The following PIBF1 variants were observed in gnomAD, a reference collection of about 807,000 sequenced individuals.
PIBF1 encodes the protein progesterone immunomodulatory binding factor 1.
In PIBF1, 90 loss-of-function variants were observed where a neutral mutation model predicts 112.5. The ratio of observed to expected loss-of-function variants is 0.80; its 90% CI spans 0.67 to 0.95. The LOEUF (loss-of-function observed/expected upper bound fraction) is 0.95, where lower values mean the gene tolerates loss of function less well. Ranked by LOEUF, PIBF1 falls within the 40% of genes least tolerant of loss-of-function variation. The pLI is 0.00. For synonymous variants in PIBF1, 301 were observed against 288.6 expected (o/e 1.04, Z -0.44); for missense variants, 915 against 852.3 (o/e 1.07, Z -0.92).
At chr13:72,999,109 T>G in intron 17 of PIBF1, 114 bp downstream of exon 17, 1 of 654,450 alleles carries the variant, frequency 1.5e-6, no homozygotes, top group Non-Finnish European at 2.6e-6. Context: ...CAAATATGTT[T>G]CATGAAAAGA....
At chr13:72,950,331 C>G (rs2042263259) in intron 14 of PIBF1, among the ~76,000 whole-genome samples, 1 of 152,138 alleles carries the variant, frequency 6.6e-6, no homozygotes. Flanking sequence ...AAAGGTACCC[C>G]TCCAATTCAA....
At position 72,924,350 on chromosome 13, in the gene PIBF1, T is replaced by C. The variant is rs74735437; in HGVS notation, c.1731-6815T>C. ...TATTGGCAATAGGTGTACCTTAATG[T>C]TGAGGTGCTGCAACTTCGGAGTATG... is the stretch of plus-strand genomic sequence containing the variant. On this transcript the variant is annotated intron_variant, in intron 13 of 17. Transcript: ENST00000326291. Among the ~76,000 whole-genome samples the C allele has an allele frequency of 1.1e-3, 163 of 152,312 alleles. 1 individual carries two copies. Among genetic ancestry groups the C allele is most frequent in the Non-Finnish European group, 1.8e-3 (120 of 68,030 alleles).
chr13:72,946,088 A>G (rs2042506539), intron 14 of PIBF1, among the ~76,000 whole-genome samples: 1 of 152,106 alleles, frequency 6.6e-6, no homozygotes, highest in Non-Finnish European at 1.5e-5. Context: ...CACACTGCCA[A>G]TGAAGACATA....
At chr13:72,899,445 C>T (rs1467473650) in intron 11 of PIBF1, among the ~76,000 whole-genome samples, 1 of 152,170 alleles carries the variant, frequency 6.6e-6, no homozygotes, top group African/African-American at 2.4e-5. Context: ...AGGTTTCATA[C>T]CAGGGATGCT....
intron 16 of PIBF1, among the ~76,000 whole-genome samples, chr13:72,986,676 C>A (rs1456094758): frequency 2.2e-5 from 2 of 89,034 alleles, no homozygotes; most frequent in Non-Finnish European, 4.2e-5. Flanking sequence ...TTTCTGTCAT[C>A]TTTTTTTTTT....
At chr13:72,860,790 CT>C (rs1566370942) in intron 10 of PIBF1, among the ~76,000 whole-genome samples, 1 of 152,040 alleles carries the variant, frequency 6.6e-6, no homozygotes, top group Admixed American at 6.6e-5. Context: ...TACTCAAAGA[CT>C]TTTCTTTTCT....
intron 11 of PIBF1, among the ~76,000 whole-genome samples, chr13:72,899,181 A>T (rs1024690973): frequency 3.5e-4 from 54 of 152,338 alleles, no homozygotes; most frequent in African/African-American, 1.3e-3. Flanking sequence ...TCACAGCAGA[A>T]TTCCACCAGA....
chr13:72,810,698 C>T lies in PIBF1; in HGVS notation c.673-11151C>T, dbSNP rs559659125. On this transcript the variant is annotated intron_variant, in intron 5 of 17. Transcript: ENST00000326291. Reference sequence around the variant, plus strand: ...TAAGGTACATATTTATGATGATACCCATCAGTTATAATTATCCTAGAATGC... The same window carrying T: ...TAAGGTACATATTTATGATGATACCTATCAGTTATAATTATCCTAGAATGC... Among the ~76,000 whole-genome samples, 6 of 152,192 alleles carry T rather than the reference C, an allele frequency of 3.9e-5. No homozygotes were observed. The South Asian group carries it at 1.2e-3, about 32-fold the overall frequency.
chr13:73,000,763 T>C (rs1312535910), intron 17 of PIBF1, among the ~76,000 whole-genome samples: 3 of 152,322 alleles, frequency 2.0e-5, no homozygotes, highest in Non-Finnish European at 4.4e-5. Context: ...TAGCTTTAGC[T>C]TGGTAACCTG....
intron 14 of PIBF1, among the ~76,000 whole-genome samples, chr13:72,942,403 A>T (rs142077688): frequency 2.1e-4 from 32 of 152,060 alleles, no homozygotes; most frequent in Admixed American, 1.4e-3. Context: ...TTTAGACTTT[A>T]GGCAGTGATT....
At chr13:72,809,333 G>C (rs1171117837) in intron 5 of PIBF1, among the ~76,000 whole-genome samples, 1 of 151,418 alleles carries the variant, frequency 6.6e-6, no homozygotes, top group African/African-American at 2.4e-5. Flanking sequence ...TTGGAGAATG[G>C]AGTATCAAAA....
In PIBF1 at chr13:72,993,646, T is replaced by C. The variant is rs142231110; in HGVS notation, c.2050-5176T>C. On this transcript the variant is annotated intron_variant, in intron 16 of 17. Transcript: ENST00000326291. The stretch of plus-strand genomic sequence containing the variant: ...CTGTAGTCCCAGCTACTCGGGAGGC[T>C]GAGGCAGGGGAATGGCGTGAACCCA... Among the ~76,000 whole-genome samples the C allele has an allele frequency of 8.6e-3, 1,287 of 149,394 alleles. 66 individuals carry two copies. Among genetic ancestry groups the C allele is most frequent in the East Asian group, 9.0e-3 (45 of 5,000 alleles).
At chr13:72,818,942 C>T (rs1345404604) in intron 5 of PIBF1, among the ~76,000 whole-genome samples, 3 of 152,080 alleles carry the variant, frequency 2.0e-5, no homozygotes, top group Non-Finnish European at 4.4e-5. Flanking sequence ...TCTTACATCT[C>T]CAGTTTTCCA....
intron 5 of PIBF1, among the ~76,000 whole-genome samples, chr13:72,800,558 G>A (rs1410114596): frequency 6.6e-6 from 1 of 152,156 alleles, no homozygotes; most frequent in African/African-American, 2.4e-5. Context: ...CCGTAAAATA[G>A]GGACGATAAC....
At chr13:72,891,380 A>G (rs1464246723) in intron 10 of PIBF1, among the ~76,000 whole-genome samples, 1 of 152,194 alleles carries the variant, frequency 6.6e-6, no homozygotes, top group Non-Finnish European at 1.5e-5. Context: ...AGTCTCACAT[A>G]CAAAGAAAGT....
In PIBF1 at chr13:72,854,162, A is replaced by G. The variant is rs368812149; in HGVS notation, c.1322+7A>G. 10 of 1,553,908 alleles carry G rather than the reference A, an allele frequency of 6.4e-6. No homozygotes were observed. Among genetic ancestry groups the G allele is most frequent in the Non-Finnish European group, 8.9e-6 (10 of 1,126,490 alleles). The stretch of plus-strand genomic sequence containing the variant: ...ACGATCAGCTCTTAGACAGGTAAGC[A>G]TCATAAAAATAGAAATGTTAAAACT... On this transcript the variant is annotated splice_region_variant and intron_variant, in intron 10 of 17. Transcript: ENST00000326291.
chr13:72,923,995 G>A (rs147687144), intron 13 of PIBF1, among the ~76,000 whole-genome samples: 172 of 152,194 alleles, frequency 1.1e-3, no homozygotes, highest in African/African-American at 4.0e-3. Context: ...AAAGATCTTA[G>A]GACTTGTTTT....
intron 10 of PIBF1, among the ~76,000 whole-genome samples, chr13:72,868,801 TAGTG>T (rs1477505720): frequency 4.3e-5 from 5 of 116,346 alleles, no homozygotes; most frequent in African/African-American, 1.4e-4. Context: ...CTGGGCAACA[TAGTG>T]AGACCCCAGC....
At chr13:72,871,513 C>T (rs1216844607) in intron 10 of PIBF1, among the ~76,000 whole-genome samples, 1 of 152,088 alleles carries the variant, frequency 6.6e-6, no homozygotes, top group Non-Finnish European at 1.5e-5. Flanking sequence ...CCCATGTTGG[C>T]CAGGCTGGTC....
Sources: gnomAD v4.1 joint callset for allele counts (sites outside exome capture counted in the v4.1 genomes callset) on GRCh38, gnomAD v4.1.1 for gene constraint, MANE v1.5 for transcripts, NCBI Gene and HGNC (gene_info 2026-07-23, HGNC 2026-07-21) for gene names.